The following URB1 variants were observed in gnomAD, a reference collection of about 807,000 sequenced individuals.
URB1 encodes nucleolar pre-ribosomal-associated protein 1.
A neutral mutation model predicts 242.3 loss-of-function variants in URB1; 197 were observed. The observed-to-expected ratio is 0.81, with a 90% CI of 0.72 to 0.91. The LOEUF (loss-of-function observed/expected upper bound fraction) is 0.91. Ranked by LOEUF, URB1 falls within the 40% of genes least tolerant of loss-of-function variation. URB1 has a pLI of 0.00. For missense variants in URB1, 2,721 were observed against 2,860.5 expected (o/e 0.95, Z 1.11); for synonymous variants, 1,153 against 1,201.8 (o/e 0.96, Z 0.84).
At chr21:32,326,407 T>C (rs1158354838) in intron 30 of URB1, among the ~76,000 whole-genome samples, 1 of 152,196 alleles carries the variant, frequency 6.6e-6, no homozygotes, top group African/African-American at 2.4e-5. Flanking sequence ...TAAAGAAAGA[T>C]AAAGCATTTT....
chr21:32,321,814 T>C lies in URB1; in HGVS notation c.5471A>G (p.Asp1824Gly). 6.4e-7 allele frequency: 1 copy of C among 1,551,698 alleles called. No individual in the cohort carries two copies. The highest frequency in any genetic ancestry group is 1.4e-5 in the African/African-American group (1 of 73,166). Residue 1824 changes from aspartate (D) to glycine (G), a missense_variant, in exon 34 of 39, where the codon GAC (aspartate) becomes GGC (glycine). By Grantham distance (94) the Asp-to-Gly change is moderately conservative (BLOSUM62 -1). Transcript: ENST00000382751. ...GAACCCATGTACCTGTGCTGCCTCGTCACACAGCGGGCTGTGGAAGAAGGA... is the reference window on the plus strand; with the variant it reads ...GAACCCATGTACCTGTGCTGCCTCGCCACACAGCGGGCTGTGGAAGAAGGA... ...ILSFFHSPLC[D>G]EAAQNWILEI...
intron 21 of URB1, 131 bp downstream of exon 21, chr21:32,349,173 T>C: frequency 7.9e-7 from 1 of 1,258,288 alleles, no homozygotes. Flanking sequence ...GAAGTTTTTA[T>C]GATCTCTGCT....
intron 18 of URB1, among the ~76,000 whole-genome samples, chr21:32,353,664 C>T (rs768188311): frequency 3.9e-5 from 6 of 152,296 alleles, no homozygotes; most frequent in South Asian, 2.1e-4. Context: ...AAAACATCAA[C>T]GTTACAGAGG....
At chr21:32,353,216 G>A (rs1048734837) in intron 18 of URB1, among the ~76,000 whole-genome samples, 9 of 152,186 alleles carry the variant, frequency 5.9e-5, no homozygotes, top group African/African-American at 2.2e-4. Context: ...CGTTTACTGT[G>A]CCTCGGCACA....
chr21:32,324,081 G>A (rs2032798690), intron 32 of URB1, among the ~76,000 whole-genome samples: 2 of 152,210 alleles, frequency 1.3e-5, no homozygotes, highest in Non-Finnish European at 2.9e-5. Context: ...AGGACCGTCT[G>A]GCTGTGTCCA....
Position 32,313,420 on chromosome 21 carries a change from C to T in URB1, c.*1498G>A, listed in dbSNP as rs2032625547. ...TGGAGCAGCGCTTGCCTGAGTCCAG[C>T]TTGGATCTAAACGTGGGATTTCAAG... On this transcript the variant is annotated 3_prime_UTR_variant, in exon 39 of 39. Coordinates refer to ENST00000382751, the MANE Select transcript of URB1 (RefSeq NM_014825.3). 2 of 152,222 alleles carry T rather than the reference C, an allele frequency of 1.3e-5. No individual in the cohort carries two copies. The highest frequency in any genetic ancestry group is 4.8e-5 in the African/African-American group (2 of 41,456). The allele number at this position is 152,222 out of a possible 1,614,324, so 9.4% of individuals were successfully genotyped here.
At chr21:32,384,815 A>G (rs1337538295) in intron 2 of URB1, among the ~76,000 whole-genome samples, 7 of 152,178 alleles carry the variant, frequency 4.6e-5, no homozygotes, top group African/African-American at 1.7e-4. Flanking sequence ...CCCCGTCTCT[A>G]CTAAAAATAC....
chr21:32,341,357 C>T (rs959337704), intron 25 of URB1, 109 bp downstream of exon 25: 8 of 1,099,172 alleles, frequency 7.3e-6, no homozygotes, highest in African/African-American at 4.8e-5. Context: ...GAGGTGACAT[C>T]GGCTCCACCA....
intron 23 of URB1, 129 bp from the exon 24 acceptor site, chr21:32,344,885 AGG>A: frequency 9.0e-7 from 1 of 1,114,160 alleles, no homozygotes; most frequent in Non-Finnish European, 1.2e-6. Context: ...ACCCACTCAC[AGG>A]AATCACAGGC....
At position 32,383,407 on chromosome 21, in the gene URB1, CTG is replaced by C. The variant is rs2033548190; in HGVS notation, c.567+13_567+14del. ...GGAGACCCATGGAAGGCACGAGACACTGTGGTCCCCTCACCTTTGAATCCCTC... is the reference window on the plus strand; with the variant it reads ...GGAGACCCATGGAAGGCACGAGACACTGGTCCCCTCACCTTTGAATCCCTC... On this transcript the variant is annotated intron_variant, in intron 4 of 38. Transcript: ENST00000382751. 1.9e-6 allele frequency: 3 copies of C among 1,548,582 alleles called. No homozygotes were observed. The highest frequency in any genetic ancestry group is 2.6e-6 in the Non-Finnish European group (3 of 1,145,656).
intron 28 of URB1, 25 bp downstream of exon 28, chr21:32,337,069 A>C (rs1395035204): frequency 6.4e-7 from 1 of 1,550,466 alleles, no homozygotes; most frequent in Non-Finnish European, 8.7e-7. Context: ...CTCAAGGCCT[A>C]GTCTACCTCT....
At chr21:32,339,615 A>G (rs2033005283) in intron 25 of URB1, among the ~76,000 whole-genome samples, 1 of 150,344 alleles carries the variant, frequency 6.7e-6, no homozygotes, top group Non-Finnish European at 1.5e-5. Context: ...CTCAGCCTTC[A>G]GAGTAGCTGG....
At position 32,312,557 on chromosome 21, in the gene URB1, G is replaced by A. The variant is rs575343511; in HGVS notation, c.*2361C>T. 3.1e-4 allele frequency: 52 copies of A among 166,996 alleles called. 1 individual carries two copies. The South Asian group carries it at 6.8e-3, about 22-fold the overall frequency. The allele number at this position is 166,996 out of a possible 1,614,324, so 10.3% of individuals were successfully genotyped here. On this transcript the variant is annotated 3_prime_UTR_variant, in exon 39 of 39. Transcript: ENST00000382751. ...CCCAAGAAAGTGTCTCCCCTGGAGG[G>A]CAGGCAGCCAACGCCTGTCAGCAGC...
chr21:32,354,408 G>C (rs2033195002), intron 17 of URB1, among the ~76,000 whole-genome samples: 1 of 152,188 alleles, frequency 6.6e-6, no homozygotes. Context: ...CAAAATCTGA[G>C]AGGCAAAATA....
chr21:32,347,039 T>C lies in URB1; in HGVS notation c.3785A>G (p.Gln1262Arg), dbSNP rs1484478598. 14 of 1,549,642 alleles carry C rather than the reference T, an allele frequency of 9.0e-6. No homozygotes were observed. The highest frequency in any genetic ancestry group is 5.9e-5 in the Admixed American group (3 of 50,954). Residue 1262 changes from glutamine to arginine, a missense_variant, in exon 22 of 39, where the codon CAG becomes CGG. By Grantham distance (43) the Gln-to-Arg change is conservative (BLOSUM62 1). Coordinates refer to ENST00000382751, the MANE Select transcript of URB1 (RefSeq NM_014825.3). The part of the protein sequence containing the change: ...CLQAGPGLGL[Q>R]GDLDDFLPLI... ...GGGAAGGAAGTCGTCCAGGTCCCCC[T>C]GGAGGCCGAGCCCTGGGCCAGCCTG... is the stretch of plus-strand genomic sequence containing the variant.
chr21:32,311,702 C>A lies in URB1; in HGVS notation c.*3216G>T. On this transcript the variant is annotated 3_prime_UTR_variant, in exon 39 of 39. Transcript: ENST00000382751. ...TTCACAGGAACAGCCCCAAGCACCA[C>A]CAAACATGCCCCTGGAGTCACGGCC... 6.2e-7 allele frequency: 1 copy of A among 1,614,044 alleles called. No individual in the cohort carries two copies. Among genetic ancestry groups the A allele is most frequent in the South Asian group, 1.1e-5 (1 of 91,036 alleles).
Position 32,359,834 on chromosome 21 carries a change from C to T in URB1, c.1831G>A (p.Glu611Lys), listed in dbSNP as rs779512140. 7.1e-6 allele frequency: 11 copies of T among 1,547,558 alleles called. No homozygotes were observed. The highest frequency in any genetic ancestry group is 9.6e-6 in the Non-Finnish European group (11 of 1,145,496). ...CACAGAAACTTGCTGGCCGGCAGCT[C>T]CAGGGCCACCTTCAGCATGTGGTGC... The part of the protein sequence containing the change: ...LQHHMLKVAL[E>K]LPASKFLWLK... The change falls in exon 14 of 39, where the codon GAG (glutamate) becomes AAG (lysine). Residue 611 changes from glutamate to lysine, a missense_variant. Glu to Lys is a moderately conservative substitution (Grantham distance 56). Transcript: ENST00000382751.
At position 32,361,744 on chromosome 21, in the gene URB1, A is replaced by T. The variant is rs2033290487; in HGVS notation, c.1639+148T>A. On this transcript the variant is annotated intron_variant, in intron 12 of 38. Coordinates refer to ENST00000382751, the MANE Select transcript of URB1 (RefSeq NM_014825.3). ...TCCTTTCCAATTCTTCTCCCTAAGC[A>T]AAAAAGGATATAGACACATTCACAG... 3 of 1,176,886 alleles carry T rather than the reference A, an allele frequency of 2.5e-6. No individual in the cohort carries two copies. In the East Asian group the frequency reaches 8.0e-5, roughly 31 times the overall value. 72.9% of individuals were successfully genotyped at this position (1,176,886 alleles called of 1,614,324 possible).
rs1029005960 is a variant in URB1 at position 32,348,055 on chromosome 21, C to T, written c.3013-244G>A. On this transcript the variant is annotated intron_variant, in intron 21 of 38. Coordinates refer to ENST00000382751, the MANE Select transcript of URB1 (RefSeq NM_014825.3). Reference sequence around the variant, plus strand: ...ATCGCCTGAGACACTCCACCTGCCCCGGAAGGACTGGACTGTGACCTGGCT... The same window carrying T: ...ATCGCCTGAGACACTCCACCTGCCCTGGAAGGACTGGACTGTGACCTGGCT... Among the ~76,000 whole-genome samples the T allele has an allele frequency of 6.6e-5, 10 of 152,238 alleles. No individual in the cohort carries two copies. The South Asian group carries it at 1.0e-3, about 16-fold the overall frequency.
Sources: allele counts gnomAD v4.1 joint callset (sites outside exome capture counted in the v4.1 genomes callset), GRCh38; gene constraint gnomAD v4.1.1; transcripts MANE v1.5; gene names NCBI Gene and HGNC (gene_info 2026-07-23, HGNC 2026-07-21).